The following SYT9 variants were observed in gnomAD, a reference collection of about 807,000 sequenced individuals.
SYT9 encodes synaptotagmin-9.
SYT9 carries 22 observed loss-of-function variants against 48.4 expected under a neutral mutation model. The ratio of observed to expected loss-of-function variants is 0.45; its 90% CI spans 0.32 to 0.65. The LOEUF is 0.65. Ranked by LOEUF, SYT9 falls within the 30% of genes least tolerant of loss-of-function variation. SYT9 has a pLI of 0.03. For synonymous variants in SYT9, 265 were observed against 245.0 expected, an observed-to-expected ratio of 1.08 and a Z score of -0.76; for missense variants, 577 against 622.0, an observed-to-expected ratio of 0.93 and a Z score of 0.77.
intron 3 of SYT9, among the ~76,000 whole-genome samples, chr11:7,358,207 G>A (rs578259510): frequency 5.9e-5 from 9 of 152,000 alleles, no homozygotes; most frequent in Admixed American, 2.6e-4. Context: ...AAAATCATAA[G>A]TTTTTTTAGA....
chr11:7,287,292 G>T (rs1848614485), intron 1 of SYT9, among the ~76,000 whole-genome samples: 1 of 152,142 alleles, frequency 6.6e-6, no homozygotes, highest in Non-Finnish European at 1.5e-5. Flanking sequence ...TCTATCACAA[G>T]AACAGCATGG....
intron 3 of SYT9, among the ~76,000 whole-genome samples, chr11:7,330,078 CT>C (rs1446533868): frequency 4.6e-5 from 7 of 152,140 alleles, no homozygotes; most frequent in Non-Finnish European, 1.0e-4. Flanking sequence ...AAAAAAAACT[CT>C]CCATGAACCT....
chr11:7,403,843 T>G (rs1262899047), intron 3 of SYT9, among the ~76,000 whole-genome samples: 3 of 152,184 alleles, frequency 2.0e-5, no homozygotes, highest in Non-Finnish European at 4.4e-5. Flanking sequence ...CCAAGTGAGC[T>G]GATAGTGTTA....
chr11:7,313,673 A>G lies in SYT9; in HGVS notation c.776A>G (p.Tyr259Cys). Reference protein sequence around the residue: ...AKDFSGTSDPYVKIYLLPDRK... With the variant: ...AKDFSGTSDPCVKIYLLPDRK... ...GACTTTTCTGGGACTTCAGATCCTTATGTCAAGATCTATTTGCTTCCTGAT... is the reference window on the plus strand; with the variant it reads ...GACTTTTCTGGGACTTCAGATCCTTGTGTCAAGATCTATTTGCTTCCTGAT... The change falls in exon 3 of 7, where the codon TAT becomes TGT. Residue 259 changes from tyrosine to cysteine, a missense_variant. Coordinates refer to ENST00000318881, the MANE Select transcript of SYT9 (RefSeq NM_175733.4). 1 of 1,614,190 alleles carries G rather than the reference A, an allele frequency of 6.2e-7. No homozygotes were observed. The highest frequency in any genetic ancestry group is 8.5e-7 in the Non-Finnish European group (1 of 1,180,004).
intron 3 of SYT9, among the ~76,000 whole-genome samples, chr11:7,342,745 T>G (rs1849736061): frequency 1.3e-5 from 2 of 152,182 alleles, no homozygotes; most frequent in Non-Finnish European, 2.9e-5. Context: ...GGGGACTCTG[T>G]GTGGGGGCTT....
In SYT9 at chr11:7,251,929, T is replaced by C; in HGVS notation, c.-258T>C. 1 of 394,852 alleles carries C rather than the reference T, an allele frequency of 2.5e-6. No homozygotes were observed. Among genetic ancestry groups the C allele is most frequent in the Non-Finnish European group, 4.5e-6 (1 of 222,868 alleles). The allele number at this position is 394,852 out of a possible 1,614,324, so 24.5% of individuals were successfully genotyped here. On this transcript the variant is annotated 5_prime_UTR_variant, in exon 1 of 7. Coordinates refer to ENST00000318881, the MANE Select transcript of SYT9 (RefSeq NM_175733.4). Reference sequence around the variant, plus strand: ...GCTCTGGGCTGTGCGGCACCGCCTCTCCTCGGTGTCTGGGGAGGGACGGAG... The same window carrying C: ...GCTCTGGGCTGTGCGGCACCGCCTCCCCTCGGTGTCTGGGGAGGGACGGAG...
At chr11:7,442,405 A>G (rs1459833266) in intron 6 of SYT9, among the ~76,000 whole-genome samples, 2 of 152,180 alleles carry the variant, frequency 1.3e-5, no homozygotes, top group East Asian at 1.9e-4. Context: ...AACACTTGTC[A>G]TTTCAAGAAC....
intron 2 of SYT9, 42 bp from the exon 3 acceptor site, chr11:7,313,353 T>C (rs746586728): frequency 3.9e-6 from 6 of 1,548,170 alleles, no homozygotes; most frequent in Admixed American, 2.1e-5. Flanking sequence ...GACCCATAGC[T>C]AATAAGGTTA....
chr11:7,336,764 A>G (rs942254679), intron 3 of SYT9, among the ~76,000 whole-genome samples: 1 of 152,084 alleles, frequency 6.6e-6, no homozygotes, highest in South Asian at 2.1e-4. Context: ...ACAGGGTAAC[A>G]TGTTGAGGTT....
chr11:7,428,544 A>G (rs1847509466), intron 6 of SYT9, among the ~76,000 whole-genome samples: 1 of 152,208 alleles, frequency 6.6e-6, no homozygotes, highest in African/African-American at 2.4e-5. Context: ...GCCTGGGGCA[A>G]AGGCGGAGCA....
chr11:7,368,104 T>C (rs1241469729), intron 3 of SYT9, among the ~76,000 whole-genome samples: 1 of 152,260 alleles, frequency 6.6e-6, no homozygotes, highest in East Asian at 1.9e-4. Flanking sequence ...TTGTGATATC[T>C]GCTTTAAAAC....
chr11:7,393,872 G>A (rs1846689330), intron 3 of SYT9, among the ~76,000 whole-genome samples: 1 of 151,484 alleles, frequency 6.6e-6, no homozygotes, highest in African/African-American at 2.4e-5. Flanking sequence ...TATCTAGTTT[G>A]TGTGCATAGA....
chr11:7,432,993 T>C (rs556836738), intron 6 of SYT9, among the ~76,000 whole-genome samples: 1 of 152,256 alleles, frequency 6.6e-6, no homozygotes, highest in Admixed American at 6.5e-5. Flanking sequence ...AATCTCATGT[T>C]GAATTGTGAA....
At chr11:7,376,617 A>T (rs12786768) in intron 3 of SYT9, among the ~76,000 whole-genome samples, 42,689 of 151,776 alleles carry the variant, frequency 0.28, 6,203 homozygotes, top group African/African-American at 0.32. Flanking sequence ...GGCTGTTACC[A>T]AGAAGTGGAT....
At chr11:7,413,694 A>G (rs977183793) in intron 3 of SYT9, among the ~76,000 whole-genome samples, 7 of 151,280 alleles carry the variant, frequency 4.6e-5, no homozygotes, top group Admixed American at 2.6e-4. Flanking sequence ...CCAAGTGTGA[A>G]TATCTACTTG....
At chr11:7,312,826 C>A (rs1849165033) in intron 2 of SYT9, among the ~76,000 whole-genome samples, 1 of 152,224 alleles carries the variant, frequency 6.6e-6, no homozygotes, top group African/African-American at 2.4e-5. Flanking sequence ...CCACAATCCA[C>A]TGCATGCAGA....
intron 3 of SYT9, among the ~76,000 whole-genome samples, chr11:7,366,044 T>G (rs1458673872): frequency 6.6e-6 from 1 of 152,212 alleles, no homozygotes; most frequent in South Asian, 2.1e-4. Context: ...TACTGAAATG[T>G]GACTGTGGCC....
chr11:7,303,028 C>T lies in SYT9; in HGVS notation c.146-11C>T. On this transcript the variant is annotated splice_polypyrimidine_tract_variant and intron_variant, in intron 1 of 6. Transcript: ENST00000318881. The stretch of plus-strand genomic sequence containing the variant: ...TGACCACACTGACCTTTGATCTTTG[C>T]TTCTTTGCAGATATCTCAGTGAGCC... 6.2e-7 allele frequency: 1 copy of T among 1,611,758 alleles called. No individual in the cohort carries two copies. The highest frequency in any genetic ancestry group is 8.5e-7 in the Non-Finnish European group (1 of 1,178,064).
At chr11:7,305,959 T>C (rs574855247) in intron 2 of SYT9, among the ~76,000 whole-genome samples, 1 of 152,130 alleles carries the variant, frequency 6.6e-6, no homozygotes, top group Admixed American at 6.5e-5. Flanking sequence ...CTTTTTGAAA[T>C]GTCCTAAAGA....
Sources: allele counts gnomAD v4.1 joint callset (sites outside exome capture counted in the v4.1 genomes callset), GRCh38; gene constraint gnomAD v4.1.1; transcripts MANE v1.5; gene names NCBI Gene and HGNC (gene_info 2026-07-23, HGNC 2026-07-21).